The following LRRC3B variants were observed in gnomAD, a reference collection of about 807,000 sequenced individuals.
The protein encoded by LRRC3B is leucine-rich repeat-containing protein 3B.
In LRRC3B, 2 loss-of-function variants were observed where a neutral mutation model predicts 12.8. That is an observed-to-expected ratio of 0.16 (90% CI 0.06 to 0.49). LRRC3B has a LOEUF of 0.49. Among genes scored for constraint, LRRC3B ranks in the 20% least tolerant of loss-of-function variants. LRRC3B has a pLI of 0.96. For synonymous variants in LRRC3B, 132 were observed against 122.0 expected, an observed-to-expected ratio of 1.08 and a Z score of -0.54; for missense variants, 189 against 319.4, an observed-to-expected ratio of 0.59 and a Z score of 3.11.
At position 26,664,410 on chromosome 3, in the gene LRRC3B, A is replaced by G. The variant is rs1047716740; in HGVS notation, c.-161+41173A>G. On this transcript the variant is annotated intron_variant, in intron 1 of 1. Transcript: ENST00000396641. ...ACTACCCCTAGTTTTCTAGGGGCAG[A>G]GAAAGTCCTATTTATCTGGTTATCC... Among the ~76,000 whole-genome samples the G allele has an allele frequency of 2.0e-5, 3 of 152,086 alleles. No homozygotes were observed. The South Asian group carries it at 6.2e-4, about 31-fold the overall frequency.
intron 1 of LRRC3B, among the ~76,000 whole-genome samples, chr3:26,700,379 G>C (rs6796278): frequency 5.3e-5 from 8 of 152,208 alleles, no homozygotes; most frequent in Non-Finnish European, 1.2e-4. Flanking sequence ...AGAAACCAAT[G>C]CATGTTAAAT....
rs375293564 is a variant in LRRC3B at position 26,638,432 on chromosome 3, C to T, written c.-161+15195C>T. 5.3e-5 allele frequency among the ~76,000 whole-genome samples: 8 copies of T among 151,918 alleles called. No individual in the cohort carries two copies. In the East Asian group the frequency reaches 1.5e-3, roughly 29 times the overall value. On this transcript the variant is annotated intron_variant, in intron 1 of 1. Coordinates refer to ENST00000396641, the Ensembl canonical transcript of LRRC3B. ...AACGGAAAAAAAAATCAGAAAAGAT[C>T]CTATACAGTTGTGGATCCCTTGCAT...
intron 1 of LRRC3B, among the ~76,000 whole-genome samples, chr3:26,646,929 G>T (rs78159805): frequency 0.017 from 2,287 of 131,580 alleles, 54 homozygotes; most frequent in African/African-American, 0.066. Flanking sequence ...TAAGTACTCA[G>T]CAAATATGAG....
intron 1 of LRRC3B, among the ~76,000 whole-genome samples, chr3:26,655,022 G>C (rs6780567): frequency 0.72 from 109,056 of 151,552 alleles, 39,690 homozygotes; most frequent in East Asian, 0.87. Flanking sequence ...GGATATCTAC[G>C]TCTTCATTTA....
intron 1 of LRRC3B, among the ~76,000 whole-genome samples, chr3:26,661,094 A>T (rs1279036722): frequency 3.3e-5 from 5 of 152,190 alleles, no homozygotes; most frequent in African/African-American, 1.2e-4. Flanking sequence ...CAGCCAATAG[A>T]AGTGCTGACC....
chr3:26,693,969 A>G (rs1001429322), intron 1 of LRRC3B, among the ~76,000 whole-genome samples: 7 of 152,126 alleles, frequency 4.6e-5, no homozygotes, highest in Non-Finnish European at 8.8e-5. Flanking sequence ...ACAAAAAATA[A>G]CCCTTAGTGA....
intron 1 of LRRC3B, among the ~76,000 whole-genome samples, chr3:26,667,230 A>G (rs1199674337): frequency 1.3e-5 from 2 of 152,022 alleles, no homozygotes; most frequent in Admixed American, 6.6e-5. Flanking sequence ...TTTGAAAATC[A>G]CTAACACTTG....
rs546338168 is a variant in LRRC3B, at chr3:26,691,587, A to G, written c.-160-17926A>G. 9.8e-5 allele frequency among the ~76,000 whole-genome samples: 15 copies of G among 152,294 alleles called. No homozygotes were observed. The South Asian group carries it at 2.9e-3, about 29-fold the overall frequency. On this transcript the variant is annotated intron_variant, in intron 1 of 1. Transcript: ENST00000396641. The stretch of plus-strand genomic sequence containing the variant: ...AAAATAACTTCTCCATCCATTTCTA[A>G]TTGAAATCAGCATCCAGGTGTCAGT...
intron 1 of LRRC3B, among the ~76,000 whole-genome samples, chr3:26,697,068 C>T (rs958514396): frequency 2.6e-5 from 4 of 152,128 alleles, no homozygotes; most frequent in Admixed American, 2.0e-4. Flanking sequence ...ACTCTTAACT[C>T]ACATAATGGG....
chr3:26,654,433 G>A (rs1475068276), intron 1 of LRRC3B, among the ~76,000 whole-genome samples: 2 of 152,136 alleles, frequency 1.3e-5, no homozygotes, highest in Non-Finnish European at 2.9e-5. Flanking sequence ...TAAGGCACCA[G>A]TAGCTTTAAA....
Position 26,658,353 on chromosome 3 carries a change from C to T in LRRC3B, c.-161+35116C>T, listed in dbSNP as rs527569589. 5.9e-5 allele frequency among the ~76,000 whole-genome samples: 9 copies of T among 152,332 alleles called. No homozygotes were observed. The South Asian group carries it at 1.2e-3, about 21-fold the overall frequency. ...GATTATAGGCGTGAGCCACCACGCCCGGCCAAGTCAGCTTTTCAATGAAGC... is the reference window on the plus strand; with the variant it reads ...GATTATAGGCGTGAGCCACCACGCCTGGCCAAGTCAGCTTTTCAATGAAGC... On this transcript the variant is annotated intron_variant, in intron 1 of 1. Coordinates refer to ENST00000396641, the Ensembl canonical transcript of LRRC3B.
At chr3:26,690,223 G>T (rs1228852107) in intron 1 of LRRC3B, among the ~76,000 whole-genome samples, 1 of 152,172 alleles carries the variant, frequency 6.6e-6, no homozygotes, top group East Asian at 1.9e-4. Context: ...TTAATATGAT[G>T]ATGTCTATTT....
intron 1 of LRRC3B, among the ~76,000 whole-genome samples, chr3:26,679,642 T>C (rs1699929828): frequency 6.6e-6 from 1 of 152,242 alleles, no homozygotes; most frequent in South Asian, 2.1e-4. Flanking sequence ...GCTTTTATTC[T>C]GCTTTGTTGT....
At chr3:26,685,773 A>G (rs1399789093) in intron 1 of LRRC3B, among the ~76,000 whole-genome samples, 1 of 151,998 alleles carries the variant, frequency 6.6e-6, no homozygotes, top group African/African-American at 2.4e-5. Context: ...TCACTGAGCA[A>G]GTTGCCTGCT....
At chr3:26,699,470 G>A (rs1419644298) in intron 1 of LRRC3B, among the ~76,000 whole-genome samples, 2 of 152,108 alleles carry the variant, frequency 1.3e-5, no homozygotes, top group Non-Finnish European at 2.9e-5. Flanking sequence ...GCTGAGTTTT[G>A]AATCCAGTTT....
chr3:26,643,944 C>T (rs1047558729), intron 1 of LRRC3B, among the ~76,000 whole-genome samples: 6 of 152,198 alleles, frequency 3.9e-5, no homozygotes, highest in Non-Finnish European at 7.3e-5. Context: ...CAAGTATGCA[C>T]ACACATATAC....
At chr3:26,650,071 T>G (rs1699235279) in intron 1 of LRRC3B, among the ~76,000 whole-genome samples, 1 of 152,230 alleles carries the variant, frequency 6.6e-6, no homozygotes, top group South Asian at 2.1e-4. Flanking sequence ...ATTTGTCCCA[T>G]GTCTTCTGCC....
chr3:26,702,549 G>A (rs186158275), intron 1 of LRRC3B, among the ~76,000 whole-genome samples: 1 of 152,286 alleles, frequency 6.6e-6, no homozygotes, highest in East Asian at 1.9e-4. Context: ...TCATTGAGCT[G>A]TTTGTTGAAT....
chr3:26,695,293 C>T (rs1226011392), intron 1 of LRRC3B, among the ~76,000 whole-genome samples: 1 of 151,986 alleles, frequency 6.6e-6, no homozygotes, highest in Non-Finnish European at 1.5e-5. Context: ...TTTGGGGGGC[C>T]GAGGCGGGGG....
Sources: gnomAD v4.1 joint callset for allele counts (sites outside exome capture counted in the v4.1 genomes callset) on GRCh38, gnomAD v4.1.1 for gene constraint, MANE v1.5 for transcripts, NCBI Gene and HGNC (gene_info 2026-07-23, HGNC 2026-07-21) for gene names.